The following DNAJC6 variants were observed in gnomAD, a reference collection of about 807,000 sequenced individuals.
The protein encoded by DNAJC6 is auxilin.
Under a neutral mutation model 110.0 loss-of-function variants are expected in DNAJC6, and 34 were observed. That is an observed-to-expected ratio of 0.31 (90% CI 0.24 to 0.41). The LOEUF (loss-of-function observed/expected upper bound fraction) is 0.41, where lower values mean the gene tolerates loss of function less well. Ranked by LOEUF, DNAJC6 falls within the 10% of genes least tolerant of loss-of-function variation. DNAJC6 has a pLI of 1.00. For synonymous variants in DNAJC6, 406 were observed against 437.2 expected (o/e 0.93, Z 0.89); for missense variants, 1,031 against 1,207.8 (o/e 0.85, Z 2.17).
intron 1 of DNAJC6, among the ~76,000 whole-genome samples, chr1:65,361,993 A>G (rs1645602419): frequency 6.6e-6 from 1 of 152,238 alleles, no homozygotes; most frequent in Admixed American, 6.5e-5. Context: ...AATTATGCAA[A>G]TAGAAAACCA....
chr1:65,378,164 C>A (rs1396992923), intron 4 of DNAJC6, among the ~76,000 whole-genome samples: 2 of 152,198 alleles, frequency 1.3e-5, no homozygotes, highest in African/African-American at 4.8e-5. Flanking sequence ...CCCTTATTGA[C>A]ACTCCTCACC....
At chr1:65,367,344 A>G (rs541611725) in intron 4 of DNAJC6, among the ~76,000 whole-genome samples, 23 of 152,346 alleles carry the variant, frequency 1.5e-4, no homozygotes, top group African/African-American at 5.3e-4. Context: ...CTAAATTGCC[A>G]TTCTATAATG....
At chr1:65,350,103 G>A (rs1645477278) in intron 1 of DNAJC6, among the ~76,000 whole-genome samples, 2 of 152,068 alleles carry the variant, frequency 1.3e-5, no homozygotes. Context: ...CCAAATATTG[G>A]AAATAAAATA....
chr1:65,366,149 T>C lies in DNAJC6; in HGVS notation c.496T>C (p.Tyr166His). 6.2e-7 allele frequency: 1 copy of C among 1,613,890 alleles called. No individual in the cohort carries two copies. The highest frequency in any genetic ancestry group is 8.5e-7 in the Non-Finnish European group (1 of 1,179,808). The change falls in exon 4 of 19, where the codon TAC becomes CAC. Residue 166 changes from tyrosine (Y) to histidine (H), a missense_variant. Transcript: ENST00000371069. ...DSRHLDHYTV[Y>H]NLSPKSYRTA... Reference sequence around the variant, plus strand: ...CAGACATCTTGACCACTACACAGTATACAATCTGTCACCTAAGTCTTATCG... The same window carrying C: ...CAGACATCTTGACCACTACACAGTACACAATCTGTCACCTAAGTCTTATCG...
chr1:65,379,002 TCAC>T (rs1159847648), intron 4 of DNAJC6, among the ~76,000 whole-genome samples: 1 of 152,230 alleles, frequency 6.6e-6, no homozygotes, highest in Non-Finnish European at 1.5e-5. Flanking sequence ...TTTCATGTTA[TCAC>T]GAGAGCTGGG....
chr1:65,344,270 T>C (rs1645416531), intron 1 of DNAJC6, among the ~76,000 whole-genome samples: 1 of 152,220 alleles, frequency 6.6e-6, no homozygotes, highest in Admixed American at 6.5e-5. Flanking sequence ...AGGATGATGA[T>C]AATGCCTACT....
At chr1:65,272,439 A>G (rs905495388) in intron 1 of DNAJC6, among the ~76,000 whole-genome samples, 2 of 152,176 alleles carry the variant, frequency 1.3e-5, no homozygotes, top group African/African-American at 2.4e-5. Context: ...ACTTGCTAAT[A>G]TTTTGTTGAG....
At chr1:65,274,230 T>G (rs1653592902) in intron 1 of DNAJC6, among the ~76,000 whole-genome samples, 1 of 152,172 alleles carries the variant, frequency 6.6e-6, no homozygotes, top group Non-Finnish European at 1.5e-5. Flanking sequence ...TCTACCTTTT[T>G]GATATTAATG....
intron 2 of DNAJC6, among the ~76,000 whole-genome samples, chr1:65,365,192 G>A (rs2101556097): frequency 6.6e-6 from 1 of 152,210 alleles, no homozygotes; most frequent in East Asian, 1.9e-4. Flanking sequence ...ATCTGAATAA[G>A]CATTACCTAC....
chr1:65,336,179 G>A (rs60495571), intron 1 of DNAJC6, among the ~76,000 whole-genome samples: 5,147 of 152,250 alleles, frequency 0.034, 143 homozygotes, highest in South Asian at 0.14. Flanking sequence ...CATGGCAGAA[G>A]GGGAAGCAAA....
At chr1:65,330,785 C>G (rs1275681744) in intron 1 of DNAJC6, among the ~76,000 whole-genome samples, 11 of 152,196 alleles carry the variant, frequency 7.2e-5, no homozygotes, top group Admixed American at 7.2e-4. Flanking sequence ...TTATTTCTTG[C>G]TCATATAAAA....
In DNAJC6 at chr1:65,411,162, G is replaced by A. The variant is rs1646125311; in HGVS notation, c.2635-88G>A. 5.8e-6 allele frequency: 8 copies of A among 1,381,960 alleles called. No homozygotes were observed. In the Admixed American group the frequency reaches 1.7e-4, roughly 30 times the overall value. 85.6% of individuals were successfully genotyped at this position (1,381,960 alleles called of 1,614,324 possible). On this transcript the variant is annotated intron_variant, in intron 17 of 18. Coordinates refer to ENST00000371069, the MANE Select transcript of DNAJC6 (RefSeq NM_001256864.2). Reference sequence around the variant, plus strand: ...TGCCCTAAGTGTTTTGATGTTGCTGGAGCAGAAGGGGTTTCTAGAGTCCTA... The same window carrying A: ...TGCCCTAAGTGTTTTGATGTTGCTGAAGCAGAAGGGGTTTCTAGAGTCCTA...
chr1:65,272,218 T>C (rs1245178335), intron 1 of DNAJC6, among the ~76,000 whole-genome samples: 1 of 152,254 alleles, frequency 6.6e-6, no homozygotes, highest in Non-Finnish European at 1.5e-5. Context: ...AAAATTAGAT[T>C]AAGGAAGTTA....
chr1:65,379,542 G>T lies in DNAJC6; in HGVS notation c.666+18G>T, dbSNP rs752113204. On this transcript the variant is annotated intron_variant, in intron 5 of 18. Coordinates refer to ENST00000371069, the MANE Select transcript of DNAJC6 (RefSeq NM_001256864.2). The stretch of plus-strand genomic sequence containing the variant: ...ACTGCTTGGTGAGTAACCTTTTGTT[G>T]TTGGTGGTGATGGTTTGGTTTGGTC... 3 of 1,613,550 alleles carry T rather than the reference G, an allele frequency of 1.9e-6. No homozygotes were observed. Among genetic ancestry groups the T allele is most frequent in the South Asian group, 1.1e-5 (1 of 90,988 alleles).
intron 1 of DNAJC6, among the ~76,000 whole-genome samples, chr1:65,267,328 GTTTC>G (rs1653368403): frequency 6.6e-6 from 1 of 152,144 alleles, no homozygotes. Flanking sequence ...TTGGGTCTCA[GTTTC>G]TTTATCGCTA....
intron 1 of DNAJC6, among the ~76,000 whole-genome samples, chr1:65,364,031 G>A (rs919216151): frequency 2.0e-4 from 31 of 152,158 alleles, no homozygotes; most frequent in African/African-American, 5.8e-4. Flanking sequence ...TCAGAGGGCC[G>A]AGGAGTGCCC....
At chr1:65,379,090 A>G (rs1172461508) in intron 4 of DNAJC6, among the ~76,000 whole-genome samples, 5 of 152,232 alleles carry the variant, frequency 3.3e-5, no homozygotes, top group Admixed American at 1.3e-4. Context: ...TTTTATGCTT[A>G]ATAGAAATGA....
intron 15 of DNAJC6, among the ~76,000 whole-genome samples, chr1:65,403,242 G>T (rs966554475): frequency 1.3e-5 from 2 of 152,208 alleles, no homozygotes; most frequent in African/African-American, 4.8e-5. Flanking sequence ...TTTTGAAGTA[G>T]TGACTGTTAT....
chr1:65,291,222 G>A (rs1270536557), intron 1 of DNAJC6, among the ~76,000 whole-genome samples: 5 of 152,054 alleles, frequency 3.3e-5, no homozygotes, highest in East Asian at 1.9e-4. Flanking sequence ...TATTAGAGAC[G>A]GGGTTTCACT....
Sources: allele counts gnomAD v4.1 joint callset (sites outside exome capture counted in the v4.1 genomes callset), GRCh38; gene constraint gnomAD v4.1.1; transcripts MANE v1.5; gene names NCBI Gene and HGNC (gene_info 2026-07-23, HGNC 2026-07-21).